The following CSGALNACT1 variants were observed in gnomAD, a reference collection of about 807,000 sequenced individuals.
CSGALNACT1 encodes beta4GalNAcT-1.
In CSGALNACT1, 52 loss-of-function variants were observed where a neutral mutation model predicts 51.0. That is an observed-to-expected ratio of 1.02 (90% confidence interval 0.82 to 1.29). The LOEUF is 1.29. CSGALNACT1 is among the 50% of genes most tolerant of loss of function. The pLI is 0.00. For synonymous variants in CSGALNACT1, 341 were observed against 254.4 expected (o/e 1.34, Z -3.24); for missense variants, 935 against 679.2 (o/e 1.38, Z -4.19).
At chr8:19,741,065 C>G (rs368552584) in intron 1 of CSGALNACT1, among the ~76,000 whole-genome samples, 22 of 152,266 alleles carry the variant, frequency 1.4e-4, no homozygotes, top group African/African-American at 5.3e-4. Flanking sequence ...GACTTTTGTG[C>G]GTAGGTTGAA....
At chr8:19,655,555 T>TATGCAC (rs2058188366) in intron 1 of CSGALNACT1, among the ~76,000 whole-genome samples, 1 of 41,178 alleles carries the variant, frequency 2.4e-5, no homozygotes, top group African/African-American at 7.1e-5. Context: ...TATGCACATA[T>TATGCAC]ATATACACAC....
intron 6 of CSGALNACT1, among the ~76,000 whole-genome samples, chr8:19,438,060 G>A (rs2060669783): frequency 6.6e-6 from 1 of 152,116 alleles, no homozygotes; most frequent in African/African-American, 2.4e-5. Flanking sequence ...GTGGTTACGT[G>A]TAACCGTCAG....
At chr8:19,429,757 T>A (rs1324170578) in intron 6 of CSGALNACT1, among the ~76,000 whole-genome samples, 1 of 152,252 alleles carries the variant, frequency 6.6e-6, no homozygotes, top group African/African-American at 2.4e-5. Flanking sequence ...TCAGAACTGC[T>A]GAGTCAGATA....
At chr8:19,499,345 A>G (rs897881007) in intron 4 of CSGALNACT1, among the ~76,000 whole-genome samples, 3 of 152,186 alleles carry the variant, frequency 2.0e-5, no homozygotes, top group Non-Finnish European at 4.4e-5. Flanking sequence ...AATTCTTGAA[A>G]TAAGGACTGA....
At chr8:19,506,129 A>G (rs1466344080) in exon 4 of CSGALNACT1, 1 of 608,318 alleles carries the variant, frequency 1.6e-6, no homozygotes, top group Non-Finnish European at 3.1e-6. Context: ...GCAAGAGGGG[A>G]CCTGGGAAGA....
chr8:19,579,680 TA>T (rs1419650715), intron 3 of CSGALNACT1, among the ~76,000 whole-genome samples: 1 of 152,222 alleles, frequency 6.6e-6, no homozygotes, highest in Non-Finnish European at 1.5e-5. Context: ...CAACACTGAA[TA>T]AACAGAAAGT....
At chr8:19,686,363 C>T (rs2060977253), upstream of CSGALNACT1, among the ~76,000 whole-genome samples, 5 of 152,166 alleles carry the variant, frequency 3.3e-5, no homozygotes, top group South Asian at 8.3e-4. Context: ...TAGGAGACAG[C>T]ATTCAGGGGG....
chr8:19,432,234 C>T (rs918471689), intron 6 of CSGALNACT1, among the ~76,000 whole-genome samples: 2 of 152,144 alleles, frequency 1.3e-5, no homozygotes, highest in East Asian at 1.9e-4. Context: ...TTGCTGATAA[C>T]AGAATTATTA....
upstream of CSGALNACT1, chr8:19,683,066 G>A (rs542560208): frequency 1.8e-4 from 43 of 242,470 alleles, no homozygotes; most frequent in African/African-American, 8.2e-4. Context: ...CAGGATGGAC[G>A]GGAACAGATA....
chr8:19,629,429 G>A (rs1173583871), intron 1 of CSGALNACT1, among the ~76,000 whole-genome samples: 1 of 152,216 alleles, frequency 6.6e-6, no homozygotes, highest in South Asian at 2.1e-4. Context: ...TAACTATGAA[G>A]CAGGTATAGC....
intron 4 of CSGALNACT1, among the ~76,000 whole-genome samples, chr8:19,482,088 G>A (rs1187073422): frequency 6.6e-6 from 1 of 152,042 alleles, no homozygotes; most frequent in East Asian, 1.9e-4. Context: ...CTACTCCTGA[G>A]TATACACACT....
At chr8:19,406,299 A>G (rs934616108) in intron 9 of CSGALNACT1, among the ~76,000 whole-genome samples, 2 of 152,126 alleles carry the variant, frequency 1.3e-5, no homozygotes, top group Admixed American at 1.3e-4. Context: ...CAGGACCTCC[A>G]AGAAAATTCC....
intron 4 of CSGALNACT1, among the ~76,000 whole-genome samples, chr8:19,471,463 G>C (rs934992882): frequency 6.6e-6 from 1 of 152,078 alleles, no homozygotes; most frequent in Admixed American, 6.5e-5. Flanking sequence ...TTTCGTTCCT[G>C]TTCTAAAGCC....
intron 1 of CSGALNACT1, among the ~76,000 whole-genome samples, chr8:19,716,584 C>A (rs760406763): frequency 7.8e-5 from 10 of 128,432 alleles, no homozygotes; most frequent in Non-Finnish European, 1.1e-4. Context: ...TCAAGGCCAG[C>A]CTGGCCAACA....
At chr8:19,623,522 C>A (rs967151463) in intron 1 of CSGALNACT1, among the ~76,000 whole-genome samples, 7 of 152,070 alleles carry the variant, frequency 4.6e-5, no homozygotes, top group Admixed American at 3.3e-4. Flanking sequence ...CTATATCCAC[C>A]AACTGTAGAA....
At chr8:19,599,986 T>C (rs1173712432) in intron 2 of CSGALNACT1, among the ~76,000 whole-genome samples, 1 of 152,228 alleles carries the variant, frequency 6.6e-6, no homozygotes, top group African/African-American at 2.4e-5. Flanking sequence ...AGGCCATAAG[T>C]TGTGCAGTAG....
chr8:19,444,951 C>T (rs17128418), intron 5 of CSGALNACT1, among the ~76,000 whole-genome samples: 11,855 of 152,160 alleles, frequency 0.078, 617 homozygotes, highest in Admixed American at 0.13. Flanking sequence ...ATGATACTGA[C>T]CCAGGCAAGA....
intron 1 of CSGALNACT1, among the ~76,000 whole-genome samples, chr8:19,654,067 G>A (rs1012966833): frequency 6.6e-6 from 1 of 152,166 alleles, no homozygotes; most frequent in Non-Finnish European, 1.5e-5. Flanking sequence ...TGTGCCCACT[G>A]CATGAAAAGC....
intron 1 of CSGALNACT1, among the ~76,000 whole-genome samples, chr8:19,617,874 T>C (rs1293573020): frequency 6.6e-6 from 1 of 152,128 alleles, no homozygotes; most frequent in Non-Finnish European, 1.5e-5. Context: ...GTCATTATAT[T>C]CCTATATGCT....
Sources: gnomAD v4.1 joint callset for allele counts (sites outside exome capture counted in the v4.1 genomes callset) on GRCh38, gnomAD v4.1.1 for gene constraint, MANE v1.5 for transcripts, NCBI Gene and HGNC (gene_info 2026-07-23, HGNC 2026-07-21) for gene names.